Variants in MOB3B observed in about 807,000 individuals in gnomAD.
MOB3B encodes the protein MOB kinase activator 3B, also known as MOB kinase activator-like 2B.
MOB3B carries 7 observed loss-of-function variants against 18.7 expected under a neutral mutation model. The observed-to-expected ratio is 0.37, with a 90% CI of 0.21 to 0.70. MOB3B has a LOEUF of 0.70. Among genes scored for constraint, MOB3B ranks in the 30% least tolerant of loss-of-function variants. The pLI is 0.52. For synonymous variants in MOB3B, 111 were observed against 99.9 expected (o/e 1.11, Z -0.66); for missense variants, 253 against 281.3 (o/e 0.90, Z 0.72).
chr9:27,521,724 A>T (rs1027424155), intron 1 of MOB3B, among the ~76,000 whole-genome samples: 5 of 152,134 alleles, frequency 3.3e-5, no homozygotes, highest in African/African-American at 1.2e-4. Context: ...ATAAGTATAT[A>T]TACATGTATA....
At position 27,431,294 on chromosome 9, in the gene MOB3B, T is replaced by C. The variant is rs558058648; in HGVS notation, c.418+23839A>G. On this transcript the variant is annotated intron_variant, in intron 2 of 3. Coordinates refer to ENST00000262244, the MANE Select transcript of MOB3B (RefSeq NM_024761.5). The stretch of plus-strand genomic sequence containing the variant: ...ACTAGAGATGTAACATGTGGTTTTA[T>C]TTTAGTTGTTAAAGCTAACTCCTGA... Among the ~76,000 whole-genome samples, 119 of 152,330 alleles carry C rather than the reference T, an allele frequency of 7.8e-4. No homozygotes were observed. In the South Asian group the frequency reaches 0.022, roughly 29 times the overall value.
chr9:27,523,511 A>G (rs1820374744), intron 1 of MOB3B, among the ~76,000 whole-genome samples: 1 of 152,158 alleles, frequency 6.6e-6, no homozygotes, highest in Non-Finnish European at 1.5e-5. Context: ...ACTACAAGAG[A>G]GAAGTTAATG....
intron 1 of MOB3B, among the ~76,000 whole-genome samples, chr9:27,490,688 G>A (rs1219262802): frequency 6.6e-6 from 1 of 152,236 alleles, no homozygotes; most frequent in Non-Finnish European, 1.5e-5. Flanking sequence ...TTGCCGTAAG[G>A]TCCTACAGCA....
chr9:27,339,703 A>C (rs1206493454), intron 3 of MOB3B, among the ~76,000 whole-genome samples: 6 of 152,250 alleles, frequency 3.9e-5, no homozygotes, highest in African/African-American at 1.4e-4. Context: ...TGAAACTTGA[A>C]AACCCATCCT....
intron 1 of MOB3B, among the ~76,000 whole-genome samples, chr9:27,502,622 C>A (rs1038573244): frequency 1.3e-5 from 2 of 152,216 alleles, no homozygotes; most frequent in Non-Finnish European, 2.9e-5. Context: ...ACGGCCAGGG[C>A]AGCCATCAGC....
intron 1 of MOB3B, among the ~76,000 whole-genome samples, chr9:27,514,345 CAAAAAA>C (rs34526085): frequency 5.2e-5 from 4 of 77,638 alleles, no homozygotes; most frequent in Non-Finnish European, 2.5e-5. Context: ...ACCACAAGCT[CAAAAAA>C]AAAAAAAAAA....
chr9:27,402,599 C>T (rs10967925), intron 2 of MOB3B, among the ~76,000 whole-genome samples: 6,633 of 152,244 alleles, frequency 0.044, 426 homozygotes, highest in African/African-American at 0.15. Flanking sequence ...AGTCCATATA[C>T]AGAAAGTCTA....
At chr9:27,475,572 A>T (rs1819541359) in intron 1 of MOB3B, among the ~76,000 whole-genome samples, 1 of 152,248 alleles carries the variant, frequency 6.6e-6, no homozygotes, top group Admixed American at 6.5e-5. Flanking sequence ...AAACACAGGG[A>T]GGTCAATATA....
chr9:27,447,941 A>G (rs1470656162), intron 2 of MOB3B, among the ~76,000 whole-genome samples: 20 of 152,218 alleles, frequency 1.3e-4, no homozygotes, highest in Admixed American at 1.3e-3. Context: ...TTAAAGGAAC[A>G]GAATCTTAGA....
intron 1 of MOB3B, chr9:27,525,899 C>T (rs1466921587): frequency 6.6e-6 from 1 of 152,168 alleles, no homozygotes; most frequent in Non-Finnish European, 1.5e-5. Context: ...TGCAGCCAGA[C>T]TACCTAGATT....
chr9:27,365,018 G>T (rs1466762502), intron 2 of MOB3B, among the ~76,000 whole-genome samples: 1 of 152,084 alleles, frequency 6.6e-6, no homozygotes, highest in African/African-American at 2.4e-5. Flanking sequence ...TGAACAAAGG[G>T]ACTGTGTTAT....
intron 2 of MOB3B, among the ~76,000 whole-genome samples, chr9:27,383,593 T>C (rs1040947587): frequency 2.0e-5 from 3 of 152,214 alleles, no homozygotes; most frequent in Non-Finnish European, 4.4e-5. Context: ...AAGCTGCTTT[T>C]TTATATGTGG....
At chr9:27,378,375 C>A in intron 2 of MOB3B, 1 of 471,732 alleles carries the variant, frequency 2.1e-6, no homozygotes, top group South Asian at 1.5e-5. Flanking sequence ...CTCCAGCAGG[C>A]TCTGATGTCA....
intron 2 of MOB3B, among the ~76,000 whole-genome samples, chr9:27,376,861 A>G (rs1186383230): frequency 6.6e-6 from 1 of 152,262 alleles, no homozygotes; most frequent in Admixed American, 6.5e-5. Flanking sequence ...ATCTTGATCC[A>G]TGACAAATTT....
intron 2 of MOB3B, among the ~76,000 whole-genome samples, chr9:27,452,681 T>A (rs1261019169): frequency 6.6e-6 from 1 of 152,190 alleles, no homozygotes; most frequent in East Asian, 1.9e-4. Context: ...GGAATACTAT[T>A]CAGCCTTAAA....
chr9:27,465,382 T>G (rs1450191529), intron 1 of MOB3B, among the ~76,000 whole-genome samples: 1 of 152,214 alleles, frequency 6.6e-6, no homozygotes, highest in South Asian at 2.1e-4. Flanking sequence ...TCCCATTATT[T>G]TGGGAAGCTC....
intron 1 of MOB3B, among the ~76,000 whole-genome samples, chr9:27,485,975 C>A (rs1249648901): frequency 6.6e-6 from 1 of 152,212 alleles, no homozygotes; most frequent in Non-Finnish European, 1.5e-5. Context: ...GCACTTGGTA[C>A]ACTAGGCTGG....
At chr9:27,461,977 A>G (rs916570751) in intron 1 of MOB3B, among the ~76,000 whole-genome samples, 1 of 152,226 alleles carries the variant, frequency 6.6e-6, no homozygotes, top group Non-Finnish European at 1.5e-5. Flanking sequence ...AGAGTTTTAA[A>G]AAATGTTTTC....
chr9:27,377,875 A>T (rs1359018989), intron 2 of MOB3B, among the ~76,000 whole-genome samples: 1 of 152,236 alleles, frequency 6.6e-6, no homozygotes, highest in Non-Finnish European at 1.5e-5. Flanking sequence ...CGTTCATTTG[A>T]ACCCTAGGTC....
Sources: gnomAD v4.1 joint callset for allele counts (sites outside exome capture counted in the v4.1 genomes callset) on GRCh38, gnomAD v4.1.1 for gene constraint, MANE v1.5 for transcripts, NCBI Gene and HGNC (gene_info 2026-07-23, HGNC 2026-07-21) for gene names.